RUNX2: variants seen among roughly 807,000 people sequenced by gnomAD.
The protein encoded by RUNX2 is runt-related transcription factor 2.
Under a neutral mutation model 51.7 loss-of-function variants are expected in RUNX2, and 10 were observed. The ratio of observed to expected loss-of-function variants is 0.19; its 90% CI spans 0.12 to 0.33. The LOEUF is 0.33. Ranked by LOEUF, RUNX2 falls within the 10% of genes least tolerant of loss-of-function variation. The pLI is 1.00. For missense variants in RUNX2, 562 were observed against 691.3 expected, an observed-to-expected ratio of 0.81 and a Z score of 2.10; for synonymous variants, 276 against 273.6, an observed-to-expected ratio of 1.01 and a Z score of -0.09.
chr6:45,525,200 C>T (rs1245469347), intron 7 of RUNX2, among the ~76,000 whole-genome samples: 3 of 152,170 alleles, frequency 2.0e-5, no homozygotes, highest in Admixed American at 6.5e-5. Context: ...TAAAGTTGTT[C>T]TCTAACCTTA....
At chr6:45,508,496 G>C (rs959164772) in intron 6 of RUNX2, among the ~76,000 whole-genome samples, 1 of 152,042 alleles carries the variant, frequency 6.6e-6, no homozygotes, top group Non-Finnish European at 1.5e-5. Flanking sequence ...CCAAAGTGGT[G>C]GGATTACAGG....
rs1802538481 is a variant in RUNX2 at position 45,550,703 on chromosome 6, G to A, written c.*3398G>A. Reference sequence around the variant, plus strand: ...TGTTTGCTTTTTAATGCAGTACTTTGAAATATATCAGCCAAAACCATAACT... The same window carrying A: ...TGTTTGCTTTTTAATGCAGTACTTTAAAATATATCAGCCAAAACCATAACT... On this transcript the variant is annotated 3_prime_UTR_variant, in exon 9 of 9. Coordinates refer to ENST00000647337, the MANE Select transcript of RUNX2 (RefSeq NM_001024630.4). 1 of 152,624 alleles carries A rather than the reference G, an allele frequency of 6.6e-6. No individual in the cohort carries two copies. The allele number at this position is 152,624 out of a possible 1,614,324, so 9.5% of individuals were successfully genotyped here.
chr6:45,422,743 A>T lies in RUNX2; in HGVS notation c.209A>T (p.Gln70Leu), dbSNP rs1255698663. The change falls in exon 3 of 9, where the codon CAG becomes CTG. Residue 70 changes from glutamine (Q) to leucine (L), a missense_variant. Gln to Leu is a moderately radical substitution (Grantham distance 113). Transcript: ENST00000647337. ...QQQQQQQQQQ[Q>L]QEAAAAAAAA... ...CAGCAGCAGCAACAGCAGCAGCAGCAGCAGGAGGCGGCGGCGGCGGCTGCG... is the reference window on the plus strand; with the variant it reads ...CAGCAGCAGCAACAGCAGCAGCAGCTGCAGGAGGCGGCGGCGGCGGCTGCG... The T allele has an allele frequency of 1.3e-6, 2 of 1,551,524 alleles. No individual in the cohort carries two copies. The highest frequency in any genetic ancestry group is 2.8e-5 in the African/African-American group (2 of 70,360).
At chr6:45,395,044 C>T (rs935427337) in intron 2 of RUNX2, among the ~76,000 whole-genome samples, 10 of 152,150 alleles carry the variant, frequency 6.6e-5, no homozygotes, top group African/African-American at 1.9e-4. Context: ...TAGTCTCCAG[C>T]GCTTAATGAA....
chr6:45,446,200 C>T (rs953746071), intron 5 of RUNX2, among the ~76,000 whole-genome samples: 2 of 152,210 alleles, frequency 1.3e-5, no homozygotes, highest in Non-Finnish European at 1.5e-5. Flanking sequence ...TCCCTGGCTT[C>T]CCAGCTCTGA....
chr6:45,382,926 A>G (rs755572266), intron 2 of RUNX2, among the ~76,000 whole-genome samples: 3 of 152,142 alleles, frequency 2.0e-5, no homozygotes, highest in Admixed American at 2.0e-4. Context: ...TTGTTGACAC[A>G]TTGGATTTAG....
intron 2 of RUNX2, among the ~76,000 whole-genome samples, chr6:45,394,902 CT>C (rs1301632094): frequency 5.3e-5 from 8 of 152,150 alleles, no homozygotes; most frequent in Non-Finnish European, 1.2e-4. Flanking sequence ...TTTCCCTGAT[CT>C]TTATCCTGAG....
rs549844283 is a variant in RUNX2 at position 45,401,329 on chromosome 6, A to G, written c.59-21264A>G. Among the ~76,000 whole-genome samples, 15 of 152,346 alleles carry G rather than the reference A, an allele frequency of 9.8e-5. No homozygotes were observed. In the South Asian group the frequency reaches 1.0e-3, roughly 11 times the overall value. ...ACTTCCTTAAGAATTCTTTAAGAAC[A>G]ATAACATCTTACACATATTTATATA... On this transcript the variant is annotated intron_variant, in intron 2 of 8. Transcript: ENST00000647337.
At position 45,398,430 on chromosome 6, in the gene RUNX2, A is replaced by G. The variant is rs75733103; in HGVS notation, c.59-24163A>G. Reference sequence around the variant, plus strand: ...ATTTTCTCCCCTCAATTTTTCCTTAAAATATTTATATATATAGGCTTTCTT... The same window carrying G: ...ATTTTCTCCCCTCAATTTTTCCTTAGAATATTTATATATATAGGCTTTCTT... On this transcript the variant is annotated intron_variant, in intron 2 of 8. Coordinates refer to ENST00000647337, the MANE Select transcript of RUNX2 (RefSeq NM_001024630.4). 2.6e-3 allele frequency among the ~76,000 whole-genome samples: 397 copies of G among 152,300 alleles called. 20 individuals are homozygous for G. In the East Asian group the frequency reaches 0.07, roughly 27 times the overall value.
At chr6:45,526,816 T>C (rs1369782952) in intron 7 of RUNX2, among the ~76,000 whole-genome samples, 1 of 152,168 alleles carries the variant, frequency 6.6e-6, no homozygotes, top group African/African-American at 2.4e-5. Flanking sequence ...TTAGCTTGTT[T>C]GTACCTCAAT....
intron 2 of RUNX2, among the ~76,000 whole-genome samples, chr6:45,354,971 T>C (rs1479791305): frequency 3.9e-5 from 6 of 152,108 alleles, no homozygotes; most frequent in Non-Finnish European, 8.8e-5. Flanking sequence ...AAAGCCTTAA[T>C]AGCACTTTGA....
intron 5 of RUNX2, among the ~76,000 whole-genome samples, chr6:45,469,880 A>C (rs1162437196): frequency 6.6e-6 from 1 of 152,232 alleles, no homozygotes; most frequent in Non-Finnish European, 1.5e-5. Context: ...CTAGAGGAGC[A>C]TCAAGCATTT....
chr6:45,497,816 T>C (rs1800690139), intron 6 of RUNX2, among the ~76,000 whole-genome samples: 2 of 152,222 alleles, frequency 1.3e-5, no homozygotes, highest in Admixed American at 6.5e-5. Context: ...ACGTGACTTT[T>C]GGTTCGGTGA....
intron 5 of RUNX2, among the ~76,000 whole-genome samples, chr6:45,487,598 T>A (rs938726229): frequency 5.9e-5 from 9 of 152,168 alleles, no homozygotes; most frequent in African/African-American, 2.2e-4. Context: ...CTAGATTCAC[T>A]AGATTGTCAA....
chr6:45,474,894 A>G (rs1799911519), intron 5 of RUNX2, among the ~76,000 whole-genome samples: 1 of 152,182 alleles, frequency 6.6e-6, no homozygotes, highest in Non-Finnish European at 1.5e-5. Context: ...AGGCACTTTA[A>G]GAAAGGGCTG....
At chr6:45,396,585 T>C (rs143886868) in intron 2 of RUNX2, among the ~76,000 whole-genome samples, 1 of 152,296 alleles carries the variant, frequency 6.6e-6, no homozygotes, top group East Asian at 1.9e-4. Flanking sequence ...TTTAAATTTA[T>C]TGTAGAGACA....
intron 2 of RUNX2, among the ~76,000 whole-genome samples, chr6:45,331,145 G>A (rs1460682693): frequency 6.6e-6 from 1 of 151,652 alleles, no homozygotes; most frequent in East Asian, 1.9e-4. Flanking sequence ...GCGCGCACAT[G>A]CTAGAGAAAG....
chr6:45,344,855 C>T (rs984455196), intron 2 of RUNX2, among the ~76,000 whole-genome samples: 8 of 152,068 alleles, frequency 5.3e-5, no homozygotes, highest in Admixed American at 1.3e-4. Context: ...ACAAGGGAGA[C>T]GGTAAAACTA....
chr6:45,519,109 A>G (rs1801422402), intron 7 of RUNX2, among the ~76,000 whole-genome samples: 1 of 152,158 alleles, frequency 6.6e-6, no homozygotes, highest in South Asian at 2.1e-4. Context: ...TGTTCTTAGG[A>G]CTTTTAGTAA....
Sources: gnomAD v4.1 joint callset for allele counts (sites outside exome capture counted in the v4.1 genomes callset) on GRCh38, gnomAD v4.1.1 for gene constraint, MANE v1.5 for transcripts, NCBI Gene and HGNC (gene_info 2026-07-23, HGNC 2026-07-21) for gene names.